RNF141: variants seen among roughly 807,000 people sequenced by gnomAD.
RNF141 encodes the protein C3HC4-like zinc finger protein.
In RNF141, 18 loss-of-function variants were observed where a neutral mutation model predicts 27.4. The observed-to-expected ratio is 0.66, with a 90% CI of 0.45 to 0.97. RNF141 has a LOEUF of 0.97. RNF141 is among the 50% of genes least tolerant of loss of function. RNF141 has a pLI of 0.00. For missense variants in RNF141, 230 were observed against 279.4 expected (o/e 0.82, Z 1.26); for synonymous variants, 97 against 96.6 (o/e 1.00, Z -0.02).
intron 3 of RNF141, among the ~76,000 whole-genome samples, chr11:10,528,475 AG>A (rs144643991): frequency 1.5e-3 from 234 of 152,314 alleles, no homozygotes; most frequent in African/African-American, 5.5e-3. Flanking sequence ...TACAGATGTT[AG>A]ACATATTGAG....
chr11:10,519,883 G>A (rs965922531), intron 4 of RNF141, among the ~76,000 whole-genome samples: 7 of 152,156 alleles, frequency 4.6e-5, no homozygotes, highest in African/African-American at 1.4e-4. Context: ...GGACAGGAGT[G>A]TACAATCTTT....
chr11:10,538,225 T>C (rs1418952863), intron 1 of RNF141, among the ~76,000 whole-genome samples: 1 of 152,244 alleles, frequency 6.6e-6, no homozygotes, highest in Admixed American at 6.5e-5. Context: ...ACTTCATCAC[T>C]AACTCCTTGC....
At chr11:10,535,463 CAAAAAA>C (rs34271797) in intron 1 of RNF141, among the ~76,000 whole-genome samples, 1 of 123,948 alleles carries the variant, frequency 8.1e-6, no homozygotes, top group Non-Finnish European at 1.7e-5. Flanking sequence ...AGATCCAGGC[CAAAAAA>C]AAAAAAAAAA....
intron 4 of RNF141, among the ~76,000 whole-genome samples, chr11:10,520,478 A>AG (rs1849879816): frequency 1.3e-5 from 2 of 152,216 alleles, no homozygotes; most frequent in African/African-American, 4.8e-5. Context: ...GAAGGTCTTC[A>AG]GGGGCAGTAA....
chr11:10,521,994 G>A (rs1322492986), intron 4 of RNF141, among the ~76,000 whole-genome samples: 2 of 152,204 alleles, frequency 1.3e-5, no homozygotes, highest in Non-Finnish European at 2.9e-5. Flanking sequence ...AGATAAATTG[G>A]GAGTGCAGTA....
intron 3 of RNF141, among the ~76,000 whole-genome samples, chr11:10,526,985 T>C (rs531782275): frequency 3.2e-4 from 49 of 152,300 alleles, no homozygotes; most frequent in African/African-American, 9.9e-4. Context: ...GCTTACAAAA[T>C]AGATCTTCAG....
rs1289066118 is a variant in RNF141, at chr11:10,514,835, G to A, written c.*81C>T. On this transcript the variant is annotated 3_prime_UTR_variant, in exon 6 of 6. Coordinates refer to ENST00000265981, the MANE Select transcript of RNF141 (RefSeq NM_016422.4). ...GGAAAATGGATTTTCCTGTGTCTGTGCCAGTGCCACAACCCTACATTCTTC... is the reference window on the plus strand; with the variant it reads ...GGAAAATGGATTTTCCTGTGTCTGTACCAGTGCCACAACCCTACATTCTTC... 8 of 1,329,466 alleles carry A rather than the reference G, an allele frequency of 6.0e-6. No individual in the cohort carries two copies. Among genetic ancestry groups the A allele is most frequent in the Non-Finnish European group, 8.2e-6 (8 of 979,044 alleles). The allele number at this position is 1,329,466 out of a possible 1,614,324, so 82.4% of individuals were successfully genotyped here. A position where few individuals can be genotyped will look rare whatever the true frequency, so the allele number is the denominator to read the frequency against.
In RNF141 at chr11:10,513,704, G is replaced by A. The variant is rs2133963229; in HGVS notation, c.*1212C>T. 1 of 151,730 alleles carries A rather than the reference G, an allele frequency of 6.6e-6. No individual in the cohort carries two copies. The highest frequency in any genetic ancestry group is 3.4e-3 in the Middle Eastern group (1 of 294). The allele number at this position is 151,730 out of a possible 1,614,324, so 9.4% of individuals were successfully genotyped here. On this transcript the variant is annotated 3_prime_UTR_variant, in exon 6 of 6. Transcript: ENST00000265981. ...TTTCTTGTGTTTTTTTTTTGATTAG[G>A]AGTCTCGTTCTGTCTCCCAGGCTGG...
intron 2 of RNF141, 128 bp from the exon 3 acceptor site, chr11:10,530,879 A>G: frequency 1.9e-6 from 1 of 520,890 alleles, no homozygotes; most frequent in Non-Finnish European, 3.4e-6. Flanking sequence ...AAGACAAATA[A>G]TAATGATTAT....
intron 5 of RNF141, chr11:10,516,647 GAACA>G (rs1259712274): frequency 1.3e-5 from 2 of 152,244 alleles, no homozygotes; most frequent in African/African-American, 4.8e-5. Context: ...TACCGAGGCT[GAACA>G]ATCAATCAAA....
chr11:10,532,496 TACACACACACACACACAC>T (rs10559393), intron 2 of RNF141, among the ~76,000 whole-genome samples: 1,471 of 131,252 alleles, frequency 0.011, 26 homozygotes, highest in African/African-American at 0.04. Context: ...GTTCATTTTC[TACACACACACACACACAC>T]ACACACACAC....
intron 4 of RNF141, among the ~76,000 whole-genome samples, chr11:10,520,534 T>C (rs1010292244): frequency 2.6e-5 from 4 of 152,218 alleles, no homozygotes; most frequent in Non-Finnish European, 2.9e-5. Flanking sequence ...CCTTCTGGAA[T>C]ACCTGCTGAA....
chr11:10,522,049 C>T (rs937863218), intron 4 of RNF141, among the ~76,000 whole-genome samples: 2 of 152,176 alleles, frequency 1.3e-5, no homozygotes, highest in East Asian at 3.8e-4. Flanking sequence ...GATCTTATTT[C>T]AGCAATTCAT....
In RNF141 at chr11:10,513,349, T is replaced by G. The variant is rs1479332857; in HGVS notation, c.*1567A>C. ...ATTCTGTCATCAATAAGTGGCAACT[T>G]AAATTGTGTACCCTGGTTTAGGAAA... On this transcript the variant is annotated 3_prime_UTR_variant, in exon 6 of 6. Coordinates refer to ENST00000265981, the MANE Select transcript of RNF141 (RefSeq NM_016422.4). 6.6e-6 allele frequency: 1 copy of G among 152,220 alleles called. No homozygotes were observed. The highest frequency in any genetic ancestry group is 1.5e-5 in the Non-Finnish European group (1 of 68,036). The allele number at this position is 152,220 out of a possible 1,614,324, so 9.4% of individuals were successfully genotyped here. A position where few individuals can be genotyped will look rare whatever the true frequency, so the allele number is the denominator to read the frequency against.
At chr11:10,536,049 G>A (rs1204934936) in intron 1 of RNF141, among the ~76,000 whole-genome samples, 1 of 152,156 alleles carries the variant, frequency 6.6e-6, no homozygotes, top group South Asian at 2.1e-4. Flanking sequence ...CAGTGGAGAA[G>A]AGACAGTAAC....
At chr11:10,515,230 A>C (rs1455213658) in intron 5 of RNF141, 164 bp from the exon 6 acceptor site, 1 of 748,078 alleles carries the variant, frequency 1.3e-6, no homozygotes, top group Admixed American at 3.2e-5. Context: ...TCTCTTTCCC[A>C]GGGGCAACCA....
Position 10,534,168 on chromosome 11 carries a change from A to G in RNF141, c.-10T>C, listed in dbSNP as rs199911406. 1.0e-4 allele frequency: 168 copies of G among 1,610,956 alleles called. No individual in the cohort carries two copies. The highest frequency in any genetic ancestry group is 1.3e-4 in the Non-Finnish European group (158 of 1,178,554). ...AAATTTGCTGTCCCATGATGAAAAG[A>G]TGTCTTTCAAAATCCAGAGTGTTGC... On this transcript the variant is annotated 5_prime_UTR_variant, in exon 2 of 6. Coordinates refer to ENST00000265981, the MANE Select transcript of RNF141 (RefSeq NM_016422.4).
intron 2 of RNF141, 23 bp downstream of exon 2, chr11:10,533,993 A>G (rs1034056277): frequency 6.2e-7 from 1 of 1,607,262 alleles, no homozygotes; most frequent in African/African-American, 1.3e-5. Flanking sequence ...GGAAAAACGA[A>G]AAACAAAAAG....
chr11:10,535,595 G>GT (rs925098200), intron 1 of RNF141, among the ~76,000 whole-genome samples: 5 of 152,092 alleles, frequency 3.3e-5, no homozygotes, highest in South Asian at 4.1e-4. Context: ...GTCAACAACA[G>GT]TGATTGCTGA....
Sources: allele counts gnomAD v4.1 joint callset (sites outside exome capture counted in the v4.1 genomes callset), GRCh38; gene constraint gnomAD v4.1.1; transcripts MANE v1.5; gene names NCBI Gene and HGNC (gene_info 2026-07-23, HGNC 2026-07-21).